EPHB1: variants seen among roughly 807,000 people sequenced by gnomAD.
EPHB1 encodes the protein ephrin type-B receptor 1.
Under a neutral mutation model 94.4 loss-of-function variants are expected in EPHB1, and 30 were observed. That is an observed-to-expected ratio of 0.32 (90% CI 0.24 to 0.43). The LOEUF (loss-of-function observed/expected upper bound fraction) is 0.43, where lower values mean the gene tolerates loss of function less well. Among genes scored for constraint, EPHB1 ranks in the 20% least tolerant of loss-of-function variants. The probability of loss-of-function intolerance (pLI) is 1.00; values close to 1 mark genes in which losing one functional copy is unlikely to be tolerated. For synonymous variants in EPHB1, 522 were observed against 489.1 expected (o/e 1.07, Z -0.89); for missense variants, 1,055 against 1,308.3 (o/e 0.81, Z 2.99).
At chr3:134,850,636 G>A (rs1428763700) in intron 1 of EPHB1, among the ~76,000 whole-genome samples, 1 of 152,220 alleles carries the variant, frequency 6.6e-6, no homozygotes, top group African/African-American at 2.4e-5. Flanking sequence ...GGGTGAGTCT[G>A]GGGGCTAACT....
chr3:134,809,298 C>T (rs1222245723), intron 1 of EPHB1, among the ~76,000 whole-genome samples: 1 of 152,106 alleles, frequency 6.6e-6, no homozygotes, highest in Non-Finnish European at 1.5e-5. Flanking sequence ...AAGAAGGCTC[C>T]ATTTGCCCTT....
At chr3:135,212,362 A>T (rs987408367) in intron 12 of EPHB1, among the ~76,000 whole-genome samples, 10 of 152,120 alleles carry the variant, frequency 6.6e-5, no homozygotes, top group Non-Finnish European at 1.5e-4. Flanking sequence ...CTCTTTATAC[A>T]TCTAGAAGTT....
chr3:135,080,788 CT>C (rs1938137373), intron 3 of EPHB1, among the ~76,000 whole-genome samples: 1 of 152,128 alleles, frequency 6.6e-6, no homozygotes, highest in South Asian at 2.1e-4. Context: ...ATAATAGCAC[CT>C]ACCTCATAGT....
intron 1 of EPHB1, among the ~76,000 whole-genome samples, chr3:134,823,036 C>T (rs2036411293): frequency 6.6e-6 from 1 of 152,136 alleles, no homozygotes; most frequent in South Asian, 2.1e-4. Context: ...CTCCTCAGGA[C>T]CACAGGACTA....
chr3:135,050,912 T>TTGTGTGTGTGTG (rs61632320), intron 3 of EPHB1, among the ~76,000 whole-genome samples: 107 of 148,044 alleles, frequency 7.2e-4, no homozygotes, highest in African/African-American at 2.6e-3. Flanking sequence ...TAAACACCCT[T>TTGTGTGTGTGTG]TGTGTGTGTG....
intron 1 of EPHB1, among the ~76,000 whole-genome samples, chr3:134,899,657 T>C (rs1374261330): frequency 6.6e-6 from 1 of 151,938 alleles, no homozygotes; most frequent in Non-Finnish European, 1.5e-5. Flanking sequence ...TGTTTTTGTT[T>C]GTTTGTTTTG....
intron 2 of EPHB1, among the ~76,000 whole-genome samples, chr3:134,929,327 A>G (rs943016064): frequency 6.6e-6 from 1 of 152,112 alleles, no homozygotes; most frequent in Non-Finnish European, 1.5e-5. Context: ...TCCAGGTAGC[A>G]GGTGTTGAGA....
chr3:135,181,728 C>A (rs946902353), intron 10 of EPHB1, among the ~76,000 whole-genome samples: 1 of 150,952 alleles, frequency 6.6e-6, no homozygotes, highest in Non-Finnish European at 1.5e-5. Flanking sequence ...CACTTTATGA[C>A]CCTACTGGAT....
intron 3 of EPHB1, among the ~76,000 whole-genome samples, chr3:135,089,956 C>T (rs1938496903): frequency 6.6e-6 from 1 of 152,222 alleles, no homozygotes; most frequent in African/African-American, 2.4e-5. Flanking sequence ...CCTCTAATCT[C>T]TGCTGCAAGC....
chr3:134,833,745 A>C (rs548978415), intron 1 of EPHB1, among the ~76,000 whole-genome samples: 1 of 152,262 alleles, frequency 6.6e-6, no homozygotes, highest in African/African-American at 2.4e-5. Context: ...GAGGAGGTGA[A>C]GAGCAGGGAT....
At chr3:135,150,635 T>C (rs1388254177) in intron 5 of EPHB1, among the ~76,000 whole-genome samples, 1 of 152,210 alleles carries the variant, frequency 6.6e-6, no homozygotes, top group African/African-American at 2.4e-5. Context: ...CACACTCTCC[T>C]GGTTTTTCTT....
chr3:135,179,805 G>A, intron 9 of EPHB1, 55 bp from the exon 10 acceptor site: 1 of 1,606,576 alleles, frequency 6.2e-7, no homozygotes, highest in African/African-American at 1.3e-5. Context: ...CAGCAGTGCT[G>A]AATGACAACC....
At chr3:134,937,657 C>T (rs1355224421) in intron 2 of EPHB1, among the ~76,000 whole-genome samples, 6 of 152,338 alleles carry the variant, frequency 3.9e-5, no homozygotes, top group South Asian at 2.1e-4. Context: ...AGGGAAATGC[C>T]ATCAGTCTCT....
chr3:135,180,897 G>A (rs1942136011), intron 10 of EPHB1, among the ~76,000 whole-genome samples: 1 of 152,074 alleles, frequency 6.6e-6, no homozygotes, highest in Admixed American at 6.6e-5. Context: ...CATTGTCCAA[G>A]CTCTCTTCAC....
intron 12 of EPHB1, among the ~76,000 whole-genome samples, chr3:135,239,766 G>T (rs1943737062): frequency 6.6e-6 from 1 of 152,156 alleles, no homozygotes; most frequent in Non-Finnish European, 1.5e-5. Flanking sequence ...AGCCATTGTG[G>T]ATTGCTTGTA....
chr3:135,227,492 C>T (rs895190764), intron 12 of EPHB1, among the ~76,000 whole-genome samples: 1 of 152,110 alleles, frequency 6.6e-6, no homozygotes, highest in African/African-American at 2.4e-5. Context: ...ATGATCTACT[C>T]ATAGGCTGCT....
chr3:134,867,607 A>G (rs1347914661), intron 1 of EPHB1, among the ~76,000 whole-genome samples: 1 of 152,218 alleles, frequency 6.6e-6, no homozygotes, highest in African/African-American at 2.4e-5. Context: ...ATTAGAAGTA[A>G]GAAGACAGAC....
intron 2 of EPHB1, among the ~76,000 whole-genome samples, chr3:134,943,153 C>T (rs2039152482): frequency 6.6e-6 from 1 of 152,176 alleles, no homozygotes; most frequent in Admixed American, 6.5e-5. Flanking sequence ...CTCACTCTGC[C>T]CATTTGTCAA....
intron 5 of EPHB1, among the ~76,000 whole-genome samples, chr3:135,133,474 G>A (rs1185603236): frequency 6.6e-6 from 1 of 152,216 alleles, no homozygotes; most frequent in Non-Finnish European, 1.5e-5. Context: ...GACAGATGGT[G>A]AGTGAGTGGA....
Sources: gnomAD v4.1 joint callset for allele counts (sites outside exome capture counted in the v4.1 genomes callset) on GRCh38, gnomAD v4.1.1 for gene constraint, MANE v1.5 for transcripts, NCBI Gene and HGNC (gene_info 2026-07-23, HGNC 2026-07-21) for gene names.